Variants in PACS2 observed in about 807,000 individuals in gnomAD.
PACS2 encodes the protein PACS1-like protein.
In PACS2, 36 loss-of-function variants were observed where a neutral mutation model predicts 113.0. The ratio of observed to expected loss-of-function variants is 0.32; its 90% confidence interval spans 0.24 to 0.42. The LOEUF (loss-of-function observed/expected upper bound fraction) is 0.42. PACS2 is among the 10% of genes least tolerant of loss of function. The pLI is 1.00. For synonymous variants in PACS2, 589 were observed against 536.1 expected, an observed-to-expected ratio of 1.10 and a Z score of -1.36; for missense variants, 1,015 against 1,239.5, an observed-to-expected ratio of 0.82 and a Z score of 2.72.
chr14:105,389,690 C>G (rs1031775320), intron 19 of PACS2: 10 of 522,478 alleles, frequency 1.9e-5, no homozygotes, highest in Non-Finnish European at 3.1e-5. Context: ...GGCCTGTCCT[C>G]CTGACCATGG....
At chr14:105,375,951 A>C (rs1555410331) in intron 8 of PACS2, among the ~76,000 whole-genome samples, 1 of 152,226 alleles carries the variant, frequency 6.6e-6, no homozygotes, top group Non-Finnish European at 1.5e-5. Flanking sequence ...TAGTTGACTC[A>C]CAGTTCAGCA....
At chr14:105,380,839 A>G in intron 11 of PACS2, 118 bp from the exon 12 acceptor site, 1 of 970,148 alleles carries the variant, frequency 1.0e-6, no homozygotes, top group African/African-American at 1.6e-5. Context: ...GTCCACATGT[A>G]GGAGCCACGG....
chr14:105,394,457 G>A (rs2081476937), intron 24 of PACS2, 97 bp from the exon 25 acceptor site: 14 of 1,571,452 alleles, frequency 8.9e-6, no homozygotes, highest in East Asian at 2.3e-5. Context: ...CATCCTGTAC[G>A]CCCGGCTGCC....
At chr14:105,390,118 A>G (rs1555414485) in intron 20 of PACS2, 115 bp downstream of exon 20, 8 of 972,392 alleles carry the variant, frequency 8.2e-6, no homozygotes, top group Non-Finnish European at 1.3e-5. Context: ...CACAGATACG[A>G]GCTGGGGATT....
Position 105,394,635 on chromosome 14 carries a change from C to G in PACS2, c.2678C>G (p.Pro893Arg). The part of the protein sequence containing the change: ...AQWSSHVKHF[P>R]ICIFGHSKAT... ...TGGTCCTCGCACGTGAAGCACTTCCCCATCTGCATCTTCGGACACTCCAAG... is the reference window on the plus strand; with the variant it reads ...TGGTCCTCGCACGTGAAGCACTTCCGCATCTGCATCTTCGGACACTCCAAG... Residue 893 changes from proline to arginine, a missense_variant, in exon 25 of 25, where the codon CCC becomes CGC. Pro to Arg is a moderately radical substitution (Grantham distance 103). Around this residue, in one of 3 missense-constraint regions of PACS2, gnomAD observed 859 missense variants for 1,056.8 expected, o/e 0.81. Transcript: ENST00000447393. 1 of 1,613,450 alleles carries G rather than the reference C, an allele frequency of 6.2e-7. No individual in the cohort carries two copies. Among genetic ancestry groups the G allele is most frequent in the Non-Finnish European group, 8.5e-7 (1 of 1,179,922 alleles).
At position 105,314,993 on chromosome 14, in the gene PACS2, C is replaced by T. The variant is rs1023090773; in HGVS notation, c.75C>T (p.Phe25=). The T allele has an allele frequency of 3.2e-6, 4 of 1,252,522 alleles. No homozygotes were observed. Among genetic ancestry groups the T allele is most frequent in the Admixed American group, 2.8e-5 (1 of 35,208 alleles). 77.6% of individuals were successfully genotyped at this position (1,252,522 alleles called of 1,614,324 possible). The change falls in exon 1 of 25, where the codon TTC becomes TTT. Residue 25 remains phenylalanine (F), a synonymous_variant. Coordinates refer to ENST00000447393, the MANE Select transcript of PACS2 (RefSeq NM_001100913.3). ...ACACGCCCGTGCCCATGAACCTGTT[C>T]GCCACCTGGGAGGTGGACGGCTCCA... ...ALNTPVPMNL[F]ATWEVDGSSP... is the part of the protein sequence containing the mutation.
At chr14:105,311,786 C>A (rs766644172), upstream of PACS2, among the ~76,000 whole-genome samples, 2 of 152,190 alleles carry the variant, frequency 1.3e-5, no homozygotes. Flanking sequence ...ACATGGCTTC[C>A]CAGAAAATGC....
chr14:105,390,367 G>A (rs924201919), intron 20 of PACS2: 14 of 321,928 alleles, frequency 4.3e-5, no homozygotes, highest in African/African-American at 1.3e-4. Flanking sequence ...CCAAGGCCCC[G>A]GGAGCTTCCC....
At position 105,354,600 on chromosome 14, in the gene PACS2, A is replaced by G. The variant is rs1457485056; in HGVS notation, c.298-452A>G. Among the ~76,000 whole-genome samples the G allele has an allele frequency of 6.6e-6, 1 of 152,236 alleles. No individual in the cohort carries two copies. The highest frequency in any genetic ancestry group is 2.4e-5 in the African/African-American group (1 of 41,464). ...ACAGGGAGCCTGTGGTGAGACGTGCAGGCGAGTTGGGTGAACAGGGGGCCT... is the reference window on the plus strand; with the variant it reads ...ACAGGGAGCCTGTGGTGAGACGTGCGGGCGAGTTGGGTGAACAGGGGGCCT... On this transcript the variant is annotated intron_variant, in intron 3 of 24. Transcript: ENST00000447393. This position sits in a 1 kb window ranked among gnomAD's most constrained non-coding sequence, Gnocchi z 4.2.
At position 105,379,816 on chromosome 14, in the gene PACS2, A is replaced by ATCCT; in HGVS notation, c.1037_1038insTCCT (p.Glu346AspfsTer8). 1 of 1,613,466 alleles carries ATCCT rather than the reference A, an allele frequency of 6.2e-7. No homozygotes were observed. The highest frequency in any genetic ancestry group is 8.5e-7 in the Non-Finnish European group (1 of 1,179,944). ...ATCCACAGCGCCCGCAGCCACAAGG[A>ATCCT]GCCCCCAAGCCCGGTGAGTGGGGCC... On this transcript the variant is annotated frameshift_variant, in exon 10 of 25. Transcript: ENST00000447393.
intron 1 of PACS2, among the ~76,000 whole-genome samples, chr14:105,332,357 C>G (rs959104509): frequency 6.6e-6 from 1 of 152,312 alleles, no homozygotes; most frequent in South Asian, 2.1e-4. Flanking sequence ...ACCCACAACA[C>G]GGAGCACGGG....
Position 105,357,603 on chromosome 14 carries a change from G to A in PACS2, c.423+2426G>A, listed in dbSNP as rs2060503716. On this transcript the variant is annotated intron_variant, in intron 4 of 24. Coordinates refer to ENST00000447393, the MANE Select transcript of PACS2 (RefSeq NM_001100913.3). This position sits in a 1 kb window ranked among gnomAD's most constrained non-coding sequence, Gnocchi z 5.1. Reference sequence around the variant, plus strand: ...GCTCCCTGTGTCCTGCCACCTTTTGGGGCTGGTTCCCACCTGTGAGCGTTG... The same window carrying A: ...GCTCCCTGTGTCCTGCCACCTTTTGAGGCTGGTTCCCACCTGTGAGCGTTG... Among the ~76,000 whole-genome samples the A allele has an allele frequency of 6.6e-6, 1 of 152,154 alleles. No individual in the cohort carries two copies. Among genetic ancestry groups the A allele is most frequent in the Admixed American group, 6.5e-5 (1 of 15,276 alleles).
chr14:105,348,556 C>T lies in PACS2; in HGVS notation c.183C>T (p.Ser61=), dbSNP rs371815241. 35 of 1,612,064 alleles carry T rather than the reference C, an allele frequency of 2.2e-5. No homozygotes were observed. Among genetic ancestry groups the T allele is most frequent in the Middle Eastern group, 3.3e-4 (2 of 6,058 alleles). Reference sequence around the variant, plus strand: ...AGGAGCTGGAGAAGGAGCTGATCTCCGTGGTGATCGCTGTCAAGATGCAGG... The same window carrying T: ...AGGAGCTGGAGAAGGAGCTGATCTCTGTGGTGATCGCTGTCAAGATGCAGG... ...VFKELEKELI[S]VVIAVKMQGS... is the part of the protein sequence containing the mutation. The change falls in exon 2 of 25, where the codon TCC becomes TCT. Residue 61 remains serine (S), a synonymous_variant. Coordinates refer to ENST00000447393, the MANE Select transcript of PACS2 (RefSeq NM_001100913.3). This position sits in a 1 kb window ranked among gnomAD's most constrained non-coding sequence, Gnocchi z 6.4.
rs2060467466 is a variant in PACS2, at chr14:105,356,795, G to A, written c.423+1618G>A. Among the ~76,000 whole-genome samples, 1 of 150,476 alleles carries A rather than the reference G, an allele frequency of 6.6e-6. No individual in the cohort carries two copies. Among genetic ancestry groups the A allele is most frequent in the Admixed American group, 6.6e-5 (1 of 15,148 alleles). On this transcript the variant is annotated intron_variant, in intron 4 of 24. Coordinates refer to ENST00000447393, the MANE Select transcript of PACS2 (RefSeq NM_001100913.3). This position sits in a 1 kb window ranked among gnomAD's most constrained non-coding sequence, Gnocchi z 4.0. ...GGCGAGGTCCTGCTGATCCCTGCCG[G>A]TCCCTGTGTTTCCCATTAGCCATGC...
chr14:105,390,328 T>C, intron 20 of PACS2: 1 of 392,468 alleles, frequency 2.5e-6, no homozygotes, highest in Non-Finnish European at 4.8e-6. Flanking sequence ...CTGCCCGGGT[T>C]GGGGAGGGCG....
At chr14:105,353,086 AC>A (rs1555404487) in intron 3 of PACS2, among the ~76,000 whole-genome samples, 15 of 93,896 alleles carry the variant, frequency 1.6e-4, no homozygotes, top group Non-Finnish European at 2.0e-4. Context: ...CCCTGGGGTG[AC>A]AGGCCCCCCC....
At position 105,383,352 on chromosome 14, in the gene PACS2, A is replaced by G; in HGVS notation, c.1626-7A>G. On this transcript the variant is annotated splice_polypyrimidine_tract_variant and splice_region_variant and intron_variant, in intron 15 of 24. Coordinates refer to ENST00000447393, the MANE Select transcript of PACS2 (RefSeq NM_001100913.3). ...CCCTCTCCGTCCCACCTGCCTCTGG[A>G]TTGCAGCTGCAACTGCAATTCCCAG... 6.2e-7 allele frequency: 1 copy of G among 1,605,926 alleles called. No homozygotes were observed. Among genetic ancestry groups the G allele is most frequent in the Non-Finnish European group, 8.5e-7 (1 of 1,179,886 alleles).
intron 7 of PACS2, among the ~76,000 whole-genome samples, chr14:105,368,761 C>T (rs2061042659): frequency 1.3e-5 from 2 of 152,240 alleles, no homozygotes; most frequent in Non-Finnish European, 2.9e-5. Flanking sequence ...GGCCGCTAGG[C>T]TCAGTGGGCC....
Position 105,315,083 on chromosome 14 carries a change from G to C in PACS2, c.119+46G>C, listed in dbSNP as rs963128443. The C allele has an allele frequency of 2.9e-5, 31 of 1,073,438 alleles. No individual in the cohort carries two copies. The African/African-American group carries it at 5.3e-4, about 18-fold the overall frequency. 66.5% of individuals were successfully genotyped at this position (1,073,438 alleles called of 1,614,324 possible). ...TTTGTTCCCGCCGGGCACCTGCTGG[G>C]GGTGTCCTGGCCGCGGCCTCTGCGC... On this transcript the variant is annotated intron_variant, in intron 1 of 24. Coordinates refer to ENST00000447393, the MANE Select transcript of PACS2 (RefSeq NM_001100913.3). The surrounding 1 kb of genome is among the most constrained non-coding windows in gnomAD (Gnocchi z 4.4).
Sources: allele counts gnomAD v4.1 joint callset (sites outside exome capture counted in the v4.1 genomes callset), GRCh38; gene constraint gnomAD v4.1.1; regional missense constraint gnomAD v4.1.1; non-coding constraint Gnocchi (gnomAD v3.1); transcripts MANE v1.5; gene names NCBI Gene and HGNC (gene_info 2026-07-23, HGNC 2026-07-21).